The following GALNT2 variants were observed in gnomAD, a reference collection of about 807,000 sequenced individuals.
GALNT2 encodes the protein UDP-GalNAc:polypeptide N-acetylgalactosaminyltransferase 2.
A neutral mutation model predicts 81.4 loss-of-function variants in GALNT2; 31 were observed. The observed-to-expected ratio is 0.38, with a 90% CI of 0.29 to 0.51. The LOEUF (loss-of-function observed/expected upper bound fraction) is 0.51, where lower values mean the gene tolerates loss of function less well. Among genes scored for constraint, GALNT2 ranks in the 20% least tolerant of loss-of-function variants. The pLI is 0.87. For synonymous variants in GALNT2, 303 were observed against 287.4 expected, an observed-to-expected ratio of 1.05 and a Z score of -0.55; for missense variants, 629 against 765.7, an observed-to-expected ratio of 0.82 and a Z score of 2.11.
chr1:230,157,324 A>G (rs1315035797), intron 1 of GALNT2, among the ~76,000 whole-genome samples: 2 of 152,232 alleles, frequency 1.3e-5, no homozygotes, highest in African/African-American at 4.8e-5. Flanking sequence ...GGGGAAAAAA[A>G]GCAAAAATGC....
chr1:230,234,362 A>G (rs948699829), intron 3 of GALNT2, among the ~76,000 whole-genome samples: 7 of 152,110 alleles, frequency 4.6e-5, no homozygotes, highest in Non-Finnish European at 8.8e-5. Context: ...CTTTCAAAGC[A>G]CTCAGCATGC....
chr1:230,244,535 A>G (rs1182854081), intron 7 of GALNT2, among the ~76,000 whole-genome samples: 1 of 126,794 alleles, frequency 7.9e-6, no homozygotes, highest in East Asian at 2.4e-4. Context: ...GCTGTCTCTC[A>G]GGGAAGCGCA....
chr1:230,082,530 T>C (rs1659766518), intron 1 of GALNT2, among the ~76,000 whole-genome samples: 1 of 152,248 alleles, frequency 6.6e-6, no homozygotes, highest in Non-Finnish European at 1.5e-5. Context: ...TGCAGCCGAC[T>C]CTCCTTATCC....
rs553318303 is a variant in GALNT2 at position 230,254,880 on chromosome 1, T to C, written c.1010-338T>C. 4.0e-4 allele frequency among the ~76,000 whole-genome samples: 61 copies of C among 152,344 alleles called. 1 individual carries two copies. In the South Asian group the frequency reaches 0.013, roughly 32 times the overall value. On this transcript the variant is annotated intron_variant, in intron 10 of 15. Transcript: ENST00000366672. ...AGTTACGATGATACTGGGGTATACA[T>C]GATCTTATGCCAAGAGGCCTTTATA...
intron 1 of GALNT2, 133 bp downstream of exon 1, chr1:230,067,539 G>C (rs1659233941): frequency 3.4e-6 from 1 of 297,716 alleles, no homozygotes; most frequent in African/African-American, 2.3e-5. Context: ...CCCTCGTCCC[G>C]GGCCTCCGCG....
intron 1 of GALNT2, among the ~76,000 whole-genome samples, chr1:230,088,393 T>C (rs1659957672): frequency 6.6e-6 from 1 of 152,176 alleles, no homozygotes; most frequent in Non-Finnish European, 1.5e-5. Flanking sequence ...GTCTTCAAGA[T>C]TCATCTCTGT....
intron 1 of GALNT2, among the ~76,000 whole-genome samples, chr1:230,166,348 C>A (rs1288756117): frequency 1.3e-5 from 2 of 152,228 alleles, no homozygotes; most frequent in Non-Finnish European, 2.9e-5. Flanking sequence ...TCATGAGTTT[C>A]TTTTTCTTGG....
chr1:230,061,641 T>G (rs183957416), intron 1 of GALNT2, among the ~76,000 whole-genome samples: 1 of 152,316 alleles, frequency 6.6e-6, no homozygotes, highest in East Asian at 1.9e-4. Flanking sequence ...AACACTATCA[T>G]GTTTCCAAAA....
intron 1 of GALNT2, among the ~76,000 whole-genome samples, chr1:230,159,074 G>A (rs1662349283): frequency 6.6e-6 from 1 of 152,184 alleles, no homozygotes; most frequent in Non-Finnish European, 1.5e-5. Context: ...AGAGAGTAGT[G>A]GTTGAAACAG....
chr1:230,179,508 G>A (rs1663091951), intron 2 of GALNT2, among the ~76,000 whole-genome samples: 1 of 152,214 alleles, frequency 6.6e-6, no homozygotes, highest in Non-Finnish European at 1.5e-5. Flanking sequence ...TAGGTGTGGA[G>A]TAGTATTTCA....
intron 14 of GALNT2, among the ~76,000 whole-genome samples, chr1:230,266,818 A>C (rs956476675): frequency 1.3e-5 from 2 of 151,938 alleles, no homozygotes; most frequent in African/African-American, 2.4e-5. Context: ...AATGAGAGAG[A>C]GCCTCATTTT....
chr1:230,249,077 T>C (rs1164620798), intron 8 of GALNT2, 107 bp from the exon 9 acceptor site: 19 of 1,147,708 alleles, frequency 1.7e-5, no homozygotes, highest in Non-Finnish European at 2.4e-5. Context: ...TTGGTTTTCA[T>C]TGAGTTCTGT....
At chr1:230,255,393 G>A in intron 11 of GALNT2, 49 bp downstream of exon 11, 1 of 1,612,510 alleles carries the variant, frequency 6.2e-7, no homozygotes, top group Non-Finnish European at 8.5e-7. Flanking sequence ...TGACTACCCT[G>A]AAAGCAGGAC....
At chr1:230,220,059 G>A (rs1305387935) in intron 3 of GALNT2, among the ~76,000 whole-genome samples, 2 of 152,174 alleles carry the variant, frequency 1.3e-5, no homozygotes, top group Non-Finnish European at 2.9e-5. Context: ...TATCTAGAGA[G>A]CTATTAATGA....
Position 230,255,353 on chromosome 1 carries a change from T to G in GALNT2, c.1136+9T>G, listed in dbSNP as rs1665679082. ...GGCACTGTCTTTGCCCGGTAAGTAG[T>G]GAAAGGCTGAGCGGGGTCCAAAACA... On this transcript the variant is annotated intron_variant, in intron 11 of 15. Coordinates refer to ENST00000366672, the MANE Select transcript of GALNT2 (RefSeq NM_004481.5). 5.6e-6 allele frequency: 9 copies of G among 1,614,042 alleles called. No homozygotes were observed. The African/African-American group carries it at 8.0e-5, about 14-fold the overall frequency.
intron 1 of GALNT2, among the ~76,000 whole-genome samples, chr1:230,142,401 G>C (rs1052366736): frequency 6.6e-6 from 1 of 152,138 alleles, no homozygotes; most frequent in Non-Finnish European, 1.5e-5. Flanking sequence ...CCCATGCTCA[G>C]AGGCTGTATG....
intron 1 of GALNT2, among the ~76,000 whole-genome samples, chr1:230,083,598 G>A (rs1659813663): frequency 6.6e-6 from 1 of 152,148 alleles, no homozygotes; most frequent in Admixed American, 6.5e-5. Context: ...GCCCCCTGAT[G>A]CTTGCATTAT....
Position 230,141,829 on chromosome 1 carries a change from A to G in GALNT2, c.127-36389A>G, listed in dbSNP as rs144064655. The stretch of plus-strand genomic sequence containing the variant: ...TTTTTTTGAGACAGGGTCTCGCTCT[A>G]TTGTCCAGGCTGAAGTGCGTGCCAC... On this transcript the variant is annotated intron_variant, in intron 1 of 15. Transcript: ENST00000366672. Among the ~76,000 whole-genome samples, 1,044 of 111,572 alleles carry G rather than the reference A, an allele frequency of 9.4e-3. 8 individuals carry two copies. Among genetic ancestry groups the G allele is most frequent in the Middle Eastern group, 0.02 (2 of 98 alleles). 73.2% of individuals were successfully genotyped at this position (111,572 alleles called of 152,430 possible).
Position 230,279,246 on chromosome 1 carries a change from CTGTT to C in GALNT2, c.1561-53_1561-50del, listed in dbSNP as rs1666371193. The C allele has an allele frequency of 1.3e-6, 2 of 1,546,014 alleles. No homozygotes were observed. Among genetic ancestry groups the C allele is most frequent in the African/African-American group, 1.4e-5 (1 of 73,346 alleles). Reference sequence around the variant, plus strand: ...CACAAGGTCCTGAATTCACACGAATCTGTTTGTACTCCTTTGCTTGTGCCCACAC... The same window carrying C: ...CACAAGGTCCTGAATTCACACGAATCTGTACTCCTTTGCTTGTGCCCACAC... On this transcript the variant is annotated intron_variant, in intron 15 of 15. Transcript: ENST00000366672. The surrounding 1 kb of genome is among the most constrained non-coding windows in gnomAD (Gnocchi z 4.6).
Sources: gnomAD v4.1 joint callset for allele counts (sites outside exome capture counted in the v4.1 genomes callset) on GRCh38, gnomAD v4.1.1 for gene constraint, Gnocchi (gnomAD v3.1) non-coding constraint, MANE v1.5 for transcripts, NCBI Gene and HGNC (gene_info 2026-07-23, HGNC 2026-07-21) for gene names.